Variants in C6orf118 observed in about 807,000 individuals in gnomAD.
C6orf118 encodes uncharacterized protein C6orf118.
C6orf118 carries 50 observed loss-of-function variants against 50.2 expected under a neutral mutation model. That is an observed-to-expected ratio of 1.00 (90% CI 0.79 to 1.26). The LOEUF (loss-of-function observed/expected upper bound fraction) is 1.26, where lower values mean the gene tolerates loss of function less well. C6orf118 is among the 50% of genes most tolerant of loss of function. C6orf118 has a pLI of 0.00. For synonymous variants in C6orf118, 239 were observed against 230.9 expected (o/e 1.03, Z -0.32); for missense variants, 641 against 578.7 (o/e 1.11, Z -1.10).
At chr6:165,287,087 G>C (rs1779932536) in intron 7 of C6orf118, among the ~76,000 whole-genome samples, 1 of 152,076 alleles carries the variant, frequency 6.6e-6, no homozygotes, top group African/African-American at 2.4e-5. Context: ...AAAGTCTCAG[G>C]ATACAAAATC....
Position 165,301,824 on chromosome 6 carries a change from C to T in C6orf118, c.498G>A (p.Arg166=). The change falls in exon 2 of 9, where the codon CGG becomes CGA. Residue 166 remains arginine (R), a synonymous_variant. Transcript: ENST00000230301. ...KEEKKGGPPG[R]GPPGWRRREE... is the part of the protein sequence containing the mutation. ...CCCTCCTGCGCCATCCAGGAGGGCC[C>T]CGTCCAGGAGGGCCTCCTTTCTTTT... 3.7e-6 allele frequency: 6 copies of T among 1,613,870 alleles called. No individual in the cohort carries two copies. Among genetic ancestry groups the T allele is most frequent in the Non-Finnish European group, 5.1e-6 (6 of 1,179,958 alleles).
At chr6:165,308,839 C>G (rs1008154337) in intron 1 of C6orf118, among the ~76,000 whole-genome samples, 4 of 152,184 alleles carry the variant, frequency 2.6e-5, no homozygotes, top group Admixed American at 1.3e-4. Context: ...ACATGAAGAG[C>G]ACTAAATGCA....
At position 165,302,064 on chromosome 6, in the gene C6orf118, G is replaced by T. The variant is rs1299622199; in HGVS notation, c.258C>A (p.Pro86=). 4 of 1,613,776 alleles carry T rather than the reference G, an allele frequency of 2.5e-6. No individual in the cohort carries two copies. In the Admixed American group the frequency reaches 6.7e-5, roughly 27 times the overall value. Residue 86 remains proline, a synonymous_variant, in exon 2 of 9, where the codon CCC becomes CCA. Transcript: ENST00000230301. ...ILQHWPNAHR[P]KGERASEVGE... ...CCACCTCAGAGGCGCGCTCCCCCTT[G>T]GGCCGGTGGGCATTGGGCCAGTGCT...
intron 3 of C6orf118, 38 bp from the exon 4 acceptor site, chr6:165,299,540 G>A: frequency 1.3e-6 from 2 of 1,549,828 alleles, no homozygotes; most frequent in Non-Finnish European, 1.8e-6. Context: ...GGCCATGTAT[G>A]AGGAGGCCAC....
Position 165,289,987 on chromosome 6 carries a change from T to G in C6orf118, c.1201A>C (p.Ser401Arg), listed in dbSNP as rs2128158743. 1 of 1,611,350 alleles carries G rather than the reference T, an allele frequency of 6.2e-7. No homozygotes were observed. Among genetic ancestry groups the G allele is most frequent in the Non-Finnish European group, 8.5e-7 (1 of 1,178,486 alleles). Residue 401 changes from serine to arginine, a missense_variant, in exon 7 of 9, where the codon AGT (serine) becomes CGT (arginine). Physicochemically the swap from Ser to Arg is moderately radical, Grantham distance 110 (BLOSUM62 -1). Transcript: ENST00000230301. ...KVEKKRCEIL[S>R]KWDEIQALEK... ...AGAGCTTGTATCTCATCCCACTTACTGAGTATTTCACACCTCTTCTTTTCA... is the reference window on the plus strand; with the variant it reads ...AGAGCTTGTATCTCATCCCACTTACGGAGTATTTCACACCTCTTCTTTTCA...
chr6:165,281,395 T>C (rs1435524675), intron 8 of C6orf118: 1 of 668,618 alleles, frequency 1.5e-6, no homozygotes, highest in African/African-American at 1.9e-5. Context: ...TTCAAAGGTC[T>C]ATCTAGTCTA....
rs561857828 is a variant in C6orf118, at chr6:165,280,755, C to T, written c.1357-645G>A. Among the ~76,000 whole-genome samples, 7 of 152,268 alleles carry T rather than the reference C, an allele frequency of 4.6e-5. No homozygotes were observed. The South Asian group carries it at 8.3e-4, about 18-fold the overall frequency. The stretch of plus-strand genomic sequence containing the variant: ...TTTCCCTTTCTTAATCCATGGAATG[C>T]GGACCCAGTTAATGCCTGAAGGCAG... On this transcript the variant is annotated intron_variant, in intron 8 of 8. Coordinates refer to ENST00000230301, the MANE Select transcript of C6orf118 (RefSeq NM_144980.4).
intron 4 of C6orf118, among the ~76,000 whole-genome samples, chr6:165,299,067 G>C (rs1780417467): frequency 6.6e-6 from 1 of 152,202 alleles, no homozygotes; most frequent in African/African-American, 2.4e-5. Context: ...GTTAAACAAA[G>C]AGATCATGGG....
rs9459355 is a variant in C6orf118 at position 165,301,971 on chromosome 6, G to C, written c.351C>G (p.Ala117=). The C allele has an allele frequency of 0.15, 235,698 of 1,613,556 alleles. 19,515 individuals are homozygous for C. Among genetic ancestry groups the C allele is most frequent in the African/African-American group, 0.35 (26,029 of 74,918 alleles). The change falls in exon 2 of 9, where the codon GCC becomes GCG. Residue 117 remains alanine, a synonymous_variant. Transcript: ENST00000230301. ...EALAHFTIHT[A]LVPSEAQDTP... ...TGTCCTGGGCCTCACTGGGGACCAG[G>C]GCCGTGTGGATGGTGAAGTGGGCCA... is the stretch of plus-strand genomic sequence containing the variant.
intron 7 of C6orf118, among the ~76,000 whole-genome samples, chr6:165,282,799 A>G (rs2128156495): frequency 6.6e-6 from 1 of 152,210 alleles, no homozygotes; most frequent in Non-Finnish European, 1.5e-5. Context: ...AAGTAATATA[A>G]ATTAGTGATA....
At chr6:165,292,508 A>C (rs2128159555) in intron 6 of C6orf118, among the ~76,000 whole-genome samples, 1 of 152,282 alleles carries the variant, frequency 6.6e-6, no homozygotes, top group South Asian at 2.1e-4. Flanking sequence ...AAAGCCCTTA[A>C]GTTTCTGCTT....
chr6:165,291,812 A>G (rs985953105), intron 6 of C6orf118, among the ~76,000 whole-genome samples: 1 of 152,236 alleles, frequency 6.6e-6, no homozygotes, highest in Non-Finnish European at 1.5e-5. Flanking sequence ...ACACAGTTAT[A>G]TACTAATTAG....
chr6:165,301,280 A>G (rs528967704), intron 2 of C6orf118, among the ~76,000 whole-genome samples: 1 of 152,056 alleles, frequency 6.6e-6, no homozygotes, highest in East Asian at 1.9e-4. Context: ...CACTGCGCCC[A>G]GAGGCTGCAC....
Position 165,283,439 on chromosome 6 carries a change from C to T in C6orf118, c.1303-1746G>A, listed in dbSNP as rs527829228. On this transcript the variant is annotated intron_variant, in intron 7 of 8. Transcript: ENST00000230301. The stretch of plus-strand genomic sequence containing the variant: ...CTCTGAAGAGTCTAGTCAGTCTGCA[C>T]AAGGGGGACTCCCCCAAGCGCAGTG... Among the ~76,000 whole-genome samples, 223 of 152,342 alleles carry T rather than the reference C, an allele frequency of 1.5e-3. 1 individual carries two copies. Among genetic ancestry groups the T allele is most frequent in the African/African-American group, 5.1e-3 (214 of 41,580 alleles).
rs551628294 is a variant in C6orf118, at chr6:165,302,219, C to G, written c.103G>C (p.Val35Leu). ...CNLKHCETPG[V>L]KTLCNLKKLL... is the part of the protein sequence containing the mutation. ...TTCTTCAGATTACACAGGGTCTTCA[C>G]TCCTGGCGTCTCGCAGTGCTTCAGA... The change falls in exon 2 of 9, where the codon GTG becomes CTG. Residue 35 changes from valine to leucine, a missense_variant. Coordinates refer to ENST00000230301, the MANE Select transcript of C6orf118 (RefSeq NM_144980.4). 2.5e-6 allele frequency: 4 copies of G among 1,612,640 alleles called. No homozygotes were observed. Among genetic ancestry groups the G allele is most frequent in the South Asian group, 1.1e-5 (1 of 90,932 alleles).
At chr6:165,282,416 C>T (rs1208545053) in intron 7 of C6orf118, among the ~76,000 whole-genome samples, 1 of 152,040 alleles carries the variant, frequency 6.6e-6, no homozygotes, top group African/African-American at 2.4e-5. Flanking sequence ...AGTAGTTAGG[C>T]TGCATGGGGT....
At position 165,301,920 on chromosome 6, in the gene C6orf118, G is replaced by A. The variant is rs759454748; in HGVS notation, c.402C>T (p.Pro134=). ...CTGAAGTGTGGGAAAGAGAGGCCTGGGGGTTCAGGTACCTGAACAGCGGGG... is the reference window on the plus strand; with the variant it reads ...CTGAAGTGTGGGAAAGAGAGGCCTGAGGGTTCAGGTACCTGAACAGCGGGG... ...QDTPLFRYLN[P]QASLSHTSEE... The change falls in exon 2 of 9, where the codon CCC becomes CCT. Residue 134 remains proline, a synonymous_variant. Coordinates refer to ENST00000230301, the MANE Select transcript of C6orf118 (RefSeq NM_144980.4). The A allele has an allele frequency of 1.2e-5, 19 of 1,613,686 alleles. No individual in the cohort carries two copies. The highest frequency in any genetic ancestry group is 1.3e-5 in the Non-Finnish European group (15 of 1,180,020).
At chr6:165,285,525 C>T (rs894181221) in intron 7 of C6orf118, among the ~76,000 whole-genome samples, 5 of 152,058 alleles carry the variant, frequency 3.3e-5, no homozygotes, top group African/African-American at 1.2e-4. Flanking sequence ...ATGGCACTTA[C>T]TCTAAAATCA....
In C6orf118 at chr6:165,309,524, A is replaced by C. The variant is rs757328441; in HGVS notation, c.25+38T>G. The C allele has an allele frequency of 4.3e-6, 7 of 1,613,354 alleles. No individual in the cohort carries two copies. The Admixed American group carries it at 6.7e-5, about 15-fold the overall frequency. On this transcript the variant is annotated intron_variant, in intron 1 of 8. Transcript: ENST00000230301. Reference sequence around the variant, plus strand: ...CCCTCCACAATTGAACATCAAGCAAATCTCACAAGCCAGCAAGAGCCGCTC... The same window carrying C: ...CCCTCCACAATTGAACATCAAGCAACTCTCACAAGCCAGCAAGAGCCGCTC...
Sources: allele counts gnomAD v4.1 joint callset (sites outside exome capture counted in the v4.1 genomes callset), GRCh38; gene constraint gnomAD v4.1.1; transcripts MANE v1.5; gene names NCBI Gene and HGNC (gene_info 2026-07-23, HGNC 2026-07-21).